DYRK4: variants seen among roughly 807,000 people sequenced by gnomAD.
DYRK4 encodes the protein dual specificity tyrosine-phosphorylation-regulated kinase 4.
DYRK4 carries 64 observed loss-of-function variants against 68.3 expected under a neutral mutation model. The ratio of observed to expected loss-of-function variants is 0.94; its 90% CI spans 0.77 to 1.15. DYRK4 has a LOEUF of 1.15. Ranked by LOEUF, DYRK4 falls within the 50% of genes most tolerant of loss-of-function variation. DYRK4 has a pLI of 0.00. For missense variants in DYRK4, 740 were observed against 764.7 expected (o/e 0.97, Z 0.38); for synonymous variants, 274 against 289.9 (o/e 0.95, Z 0.56).
At chr12:4,563,469 T>G (rs1944648707) in intron 1 of DYRK4, among the ~76,000 whole-genome samples, 1 of 152,218 alleles carries the variant, frequency 6.6e-6, no homozygotes, top group South Asian at 2.1e-4. Context: ...CGTGAGTGTG[T>G]TGTGATGGCT....
At chr12:4,565,088 TTTATTAG>T (rs1409530832) in intron 1 of DYRK4, among the ~76,000 whole-genome samples, 1 of 152,152 alleles carries the variant, frequency 6.6e-6, no homozygotes, top group Non-Finnish European at 1.5e-5. Context: ...CTGAGCTGAG[TTTATTAG>T]TTATCTTCAA....
rs187525005 is a variant in DYRK4 at position 4,581,498 on chromosome 12, T to G, written c.133-7439T>G. On this transcript the variant is annotated intron_variant, in intron 2 of 14. Transcript: ENST00000543431. ...TGAGAGGGGGCATGAGCAGAGAAGA[T>G]TCTCTTGTGTGAATTCGCTGATTAG... Among the ~76,000 whole-genome samples, 238 of 152,320 alleles carry G rather than the reference T, an allele frequency of 1.6e-3. 1 individual carries two copies. Among genetic ancestry groups the G allele is most frequent in the African/African-American group, 5.4e-3 (225 of 41,572 alleles).
rs10849101 is a variant in DYRK4 at position 4,591,881 on chromosome 12, C to T, written c.463+583C>T. The T allele has an allele frequency of 0.09, 13,683 of 152,398 alleles. 764 individuals carry two copies. Among genetic ancestry groups the T allele is most frequent in the South Asian group, 0.15 (715 of 4,832 alleles). 9.4% of individuals were successfully genotyped at this position (152,398 alleles called of 1,614,324 possible). ...CTGGTGCAGGGAGGGCAGCTTTGCC[C>T]GTGAGGCTTGCCAGGTGAAGCCTTT... On this transcript the variant is annotated intron_variant, in intron 5 of 14. Transcript: ENST00000543431. The surrounding 1 kb of genome is among the most constrained non-coding windows in gnomAD (Gnocchi z 4.1).
At position 4,598,121 on chromosome 12, in the gene DYRK4, A is replaced by C. The variant is rs184699019; in HGVS notation, c.906-907A>C. Among the ~76,000 whole-genome samples, 1,031 of 152,264 alleles carry C rather than the reference A, an allele frequency of 6.8e-3. 14 individuals carry two copies. Among genetic ancestry groups the C allele is most frequent in the Admixed American group, 8.4e-3 (129 of 15,296 alleles). Reference sequence around the variant, plus strand: ...GCTGGGTATGGTGACTCACACCTGTAATCTCAGCATTTTCGGAGGCCAAGT... The same window carrying C: ...GCTGGGTATGGTGACTCACACCTGTCATCTCAGCATTTTCGGAGGCCAAGT... On this transcript the variant is annotated intron_variant, in intron 8 of 14. Coordinates refer to ENST00000543431, the MANE Select transcript of DYRK4 (RefSeq NM_001394779.1).
intron 2 of DYRK4, among the ~76,000 whole-genome samples, chr12:4,587,757 A>G (rs1458231027): frequency 1.3e-5 from 2 of 152,190 alleles, no homozygotes; most frequent in African/African-American, 4.8e-5. Context: ...AGTCCTCATC[A>G]TTACTGTGCT....
At chr12:4,565,835 G>C (rs961991304) in intron 1 of DYRK4, among the ~76,000 whole-genome samples, 4 of 151,786 alleles carry the variant, frequency 2.6e-5, no homozygotes, top group African/African-American at 9.7e-5. Context: ...CACCATGTTG[G>C]CCAGGCTGGT....
At chr12:4,576,319 C>T (rs956455340) in intron 2 of DYRK4, among the ~76,000 whole-genome samples, 4 of 152,176 alleles carry the variant, frequency 2.6e-5, no homozygotes, top group African/African-American at 4.8e-5. Flanking sequence ...CAGTAATGTC[C>T]TCCATGTCTT....
chr12:4,580,431 AG>A (rs1311814344), intron 2 of DYRK4, among the ~76,000 whole-genome samples: 2 of 152,160 alleles, frequency 1.3e-5, no homozygotes, highest in Non-Finnish European at 2.9e-5. Flanking sequence ...AGGGACTTAA[AG>A]GGCAGACCCT....
chr12:4,566,304 T>A (rs1944676323), intron 1 of DYRK4, among the ~76,000 whole-genome samples: 1 of 152,232 alleles, frequency 6.6e-6, no homozygotes, highest in African/African-American at 2.4e-5. Context: ...TTGGACTACG[T>A]GCCCCTTTAC....
chr12:4,593,556 A>T (rs1221765773), intron 6 of DYRK4, among the ~76,000 whole-genome samples: 2 of 152,096 alleles, frequency 1.3e-5, no homozygotes, highest in Admixed American at 6.5e-5. Flanking sequence ...TTTCTATTTT[A>T]TAGTAGATGT....
chr12:4,594,881 A>T (rs1448554365), intron 6 of DYRK4, among the ~76,000 whole-genome samples: 1 of 152,212 alleles, frequency 6.6e-6, no homozygotes, highest in Non-Finnish European at 1.5e-5. Flanking sequence ...TTGTCAGCAA[A>T]TGTTAATTGA....
intron 8 of DYRK4, 102 bp downstream of exon 8, chr12:4,596,831 T>C: frequency 6.4e-7 from 1 of 1,572,818 alleles, no homozygotes; most frequent in Non-Finnish European, 8.6e-7. Context: ...GAATATTTAG[T>C]AACTAGAATG....
At chr12:4,604,017 A>T (rs916815488) in intron 10 of DYRK4, among the ~76,000 whole-genome samples, 1 of 152,204 alleles carries the variant, frequency 6.6e-6, no homozygotes, top group Non-Finnish European at 1.5e-5. Flanking sequence ...AGTAACCTTG[A>T]CATTTTAACC....
intron 10 of DYRK4, among the ~76,000 whole-genome samples, chr12:4,601,433 A>G (rs1945078645): frequency 6.6e-6 from 1 of 152,254 alleles, no homozygotes; most frequent in African/African-American, 2.4e-5. Flanking sequence ...CTAGCACAAC[A>G]TTGGAACCAA....
chr12:4,586,731 C>G (rs1328142050), intron 2 of DYRK4, among the ~76,000 whole-genome samples: 2 of 135,534 alleles, frequency 1.5e-5, no homozygotes, highest in African/African-American at 5.5e-5. Context: ...CACACACACA[C>G]AGACACACAC....
chr12:4,581,279 G>A (rs1295757509), intron 2 of DYRK4, among the ~76,000 whole-genome samples: 3 of 152,130 alleles, frequency 2.0e-5, no homozygotes, highest in Non-Finnish European at 2.9e-5. Flanking sequence ...ACCCCTCAGG[G>A]TACCTCTTTC....
chr12:4,582,749 T>C lies in DYRK4; in HGVS notation c.133-6188T>C, dbSNP rs186151733. On this transcript the variant is annotated intron_variant, in intron 2 of 14. Transcript: ENST00000543431. ...ATTCCGAGCAGAAACAGAGCAGGAG[T>C]GAAAGTGCTGAGATGTGGAACAGTG... is the stretch of plus-strand genomic sequence containing the variant. Among the ~76,000 whole-genome samples, 238 of 150,412 alleles carry C rather than the reference T, an allele frequency of 1.6e-3. 1 individual carries two copies. The highest frequency in any genetic ancestry group is 5.5e-3 in the African/African-American group (225 of 40,884).
intron 9 of DYRK4, among the ~76,000 whole-genome samples, chr12:4,599,472 A>G (rs922600398): frequency 5.9e-5 from 9 of 152,126 alleles, no homozygotes; most frequent in African/African-American, 1.7e-4. Context: ...AGTGACAAAT[A>G]TATGCAAAAG....
chr12:4,572,471 ATT>A (rs1018705159), intron 2 of DYRK4, among the ~76,000 whole-genome samples: 10 of 152,100 alleles, frequency 6.6e-5, no homozygotes, highest in Admixed American at 1.3e-4. Flanking sequence ...TTGTTGTTGT[ATT>A]TTTAGTAGAG....
Sources: allele counts gnomAD v4.1 joint callset (sites outside exome capture counted in the v4.1 genomes callset), GRCh38; gene constraint gnomAD v4.1.1; non-coding constraint Gnocchi (gnomAD v3.1); transcripts MANE v1.5; gene names NCBI Gene and HGNC (gene_info 2026-07-23, HGNC 2026-07-21).